The following VPS13A variants were observed in gnomAD, a reference collection of about 807,000 sequenced individuals.
VPS13A encodes intermembrane lipid transfer protein VPS13A.
A neutral mutation model predicts 390.9 loss-of-function variants in VPS13A; 264 were observed. The ratio of observed to expected loss-of-function variants is 0.68; its 90% CI spans 0.61 to 0.75. The LOEUF (loss-of-function observed/expected upper bound fraction) is 0.75, where lower values mean the gene tolerates loss of function less well. Among genes scored for constraint, VPS13A ranks in the 30% least tolerant of loss-of-function variants. The pLI, the probability that VPS13A is intolerant of heterozygous loss-of-function variation, is 0.00. For synonymous variants in VPS13A, 1,231 were observed against 1,227.1 expected (o/e 1.00, Z -0.07); for missense variants, 3,409 against 3,733.9 (o/e 0.91, Z 2.27).
rs755327761 is a variant in VPS13A at position 77,214,385 on chromosome 9, T to C, written c.753T>C (p.Phe251=). 12 of 1,611,418 alleles carry C rather than the reference T, an allele frequency of 7.4e-6. No homozygotes were observed. The South Asian group carries it at 1.2e-4, about 16-fold the overall frequency. The part of the protein sequence containing the change: ...NENIVPEGYD[F]VFRPISANAK... Reference sequence around the variant, plus strand: ...ATATTGTTCCAGAAGGTTATGATTTTGGTAAGTACATTTTATAAGATAAAA... The same window carrying C: ...ATATTGTTCCAGAAGGTTATGATTTCGGTAAGTACATTTTATAAGATAAAA... Residue 251 remains phenylalanine (F), a splice_region_variant and synonymous_variant, in exon 10 of 72, where the codon TTT becomes TTC. Coordinates refer to ENST00000360280, the MANE Select transcript of VPS13A (RefSeq NM_033305.3).
intron 71 of VPS13A, among the ~76,000 whole-genome samples, chr9:77,411,342 A>G (rs1040132281): frequency 5.9e-5 from 9 of 152,142 alleles, no homozygotes; most frequent in African/African-American, 2.2e-4. Context: ...AGCAGGAAAA[A>G]TCTAAAATTG....
At chr9:77,188,326 A>T (rs1172559905) in intron 1 of VPS13A, among the ~76,000 whole-genome samples, 1 of 152,184 alleles carries the variant, frequency 6.6e-6, no homozygotes, top group Non-Finnish European at 1.5e-5. Context: ...GGACTAACAC[A>T]GTACTCAAGT....
intron 52 of VPS13A, among the ~76,000 whole-genome samples, chr9:77,349,824 A>G (rs1831358924): frequency 6.6e-6 from 1 of 152,054 alleles, no homozygotes; most frequent in Non-Finnish European, 1.5e-5. Context: ...TCATATTTAT[A>G]GTAGAGACAG....
chr9:77,309,758 A>C (rs17063528), intron 35 of VPS13A, among the ~76,000 whole-genome samples: 11,687 of 152,148 alleles, frequency 0.077, 513 homozygotes, highest in South Asian at 0.13. Context: ...TATTGAAGGA[A>C]GCTCTTAGCT....
chr9:77,250,205 G>A lies in VPS13A; in HGVS notation c.2146G>A (p.Val716Ile). The change falls in exon 21 of 72, where the codon GTA (valine) becomes ATA (isoleucine). Residue 716 changes from valine to isoleucine, a missense_variant. This residue lies in a region of VPS13A where 2,717 missense variants were observed against 2,917.4 expected (regional missense o/e 0.93). Coordinates refer to ENST00000360280, the MANE Select transcript of VPS13A (RefSeq NM_033305.3). Reference protein sequence around the residue: ...YDSFDIQLTSVQLLYSRVGDN... With the variant: ...YDSFDIQLTSIQLLYSRVGDN... ...TTCATTTGATATTCAACTTACAAGT[G>A]TACAGCTGCTTTACAGTAGAGTTGG... 9 of 1,613,708 alleles carry A rather than the reference G, an allele frequency of 5.6e-6. No individual in the cohort carries two copies. The highest frequency in any genetic ancestry group is 7.6e-6 in the Non-Finnish European group (9 of 1,179,900).
At chr9:77,332,427 A>G (rs565671429) in intron 46 of VPS13A, among the ~76,000 whole-genome samples, 61 of 149,914 alleles carry the variant, frequency 4.1e-4, no homozygotes, top group African/African-American at 1.5e-3. Context: ...CTGAATTTAT[A>G]TATACTATTA....
At chr9:77,302,368 C>CTTTTTTTT (rs58598132) in intron 33 of VPS13A, among the ~76,000 whole-genome samples, 2 of 117,816 alleles carry the variant, frequency 1.7e-5, no homozygotes, top group Admixed American at 9.1e-5. Flanking sequence ...TATTTTTCCC[C>CTTTTTTTT]TTTTTTTTTT....
At chr9:77,183,477 C>T (rs1205020082) in intron 1 of VPS13A, among the ~76,000 whole-genome samples, 3 of 152,088 alleles carry the variant, frequency 2.0e-5, no homozygotes, top group African/African-American at 7.2e-5. Context: ...TGGGATTGTA[C>T]AGTTTGTATT....
intron 27 of VPS13A, 149 bp downstream of exon 27, chr9:77,280,387 C>T: frequency 3.4e-6 from 2 of 596,946 alleles, no homozygotes; most frequent in South Asian, 4.3e-5. Flanking sequence ...TTTATTTTGT[C>T]ATCTTGTATT....
intron 45 of VPS13A, among the ~76,000 whole-genome samples, chr9:77,326,265 T>A (rs1480701758): frequency 6.6e-6 from 1 of 152,218 alleles, no homozygotes; most frequent in East Asian, 1.9e-4. Flanking sequence ...GTATTTGGGG[T>A]TTACTGACCT....
At chr9:77,396,173 T>C (rs1368920578) in intron 68 of VPS13A, among the ~76,000 whole-genome samples, 1 of 152,236 alleles carries the variant, frequency 6.6e-6, no homozygotes. Flanking sequence ...TGTCAGTACA[T>C]ATAACTATTT....
At chr9:77,369,469 AT>A in intron 63 of VPS13A, 57 bp downstream of exon 63, 2 of 1,112,514 alleles carry the variant, frequency 1.8e-6, no homozygotes, top group Admixed American at 1.7e-5. Flanking sequence ...TGAATAGATA[AT>A]ACTTTTCTAT....
chr9:77,410,548 C>G (rs1834870445), intron 71 of VPS13A, among the ~76,000 whole-genome samples: 1 of 152,126 alleles, frequency 6.6e-6, no homozygotes, highest in Non-Finnish European at 1.5e-5. Flanking sequence ...TCAGGAAACC[C>G]ACCTCACATG....
At position 77,418,359 on chromosome 9, in the gene VPS13A, G is replaced by A. The variant is rs1172771341; in HGVS notation, c.*2353G>A. ...GCATGTCTTCTGGTCTATGATAATT[G>A]TGTGAGGACTAAGGCAGAGTGCCTG... On this transcript the variant is annotated 3_prime_UTR_variant, in exon 72 of 72. Coordinates refer to ENST00000360280, the MANE Select transcript of VPS13A (RefSeq NM_033305.3). The A allele has an allele frequency of 6.6e-6, 1 of 152,134 alleles. No individual in the cohort carries two copies. Among genetic ancestry groups the A allele is most frequent in the East Asian group, 1.9e-4 (1 of 5,178 alleles). 9.4% of individuals were successfully genotyped at this position (152,134 alleles called of 1,614,324 possible). A position where few individuals can be genotyped will look rare whatever the true frequency, so the allele number is the denominator to read the frequency against.
At chr9:77,190,886 A>AT (rs760991050) in intron 1 of VPS13A, among the ~76,000 whole-genome samples, 1 of 151,808 alleles carries the variant, frequency 6.6e-6, no homozygotes, top group Non-Finnish European at 1.5e-5. Context: ...GCCTCTAAGG[A>AT]TTTTTTGTAT....
intron 1 of VPS13A, among the ~76,000 whole-genome samples, chr9:77,182,385 C>T (rs944178501): frequency 6.6e-6 from 1 of 152,130 alleles, no homozygotes; most frequent in Admixed American, 6.5e-5. Flanking sequence ...TGAGCCACTG[C>T]GTCCGGCCAT....
Position 77,370,447 on chromosome 9 carries a change from G to A in VPS13A, c.8776G>A (p.Gly2926Ser), listed in dbSNP as rs565253015. The change falls in exon 65 of 72, where the codon GGT becomes AGT. Residue 2926 changes from glycine to serine, a missense_variant. Transcript: ENST00000360280. ...GLAGAASKIT[G>S]AMAKGVAAMT... The stretch of plus-strand genomic sequence containing the variant: ...GGCTGGTGCTGCCTCCAAAATCACC[G>A]GTGCTATGGCTAAGGGGGTAGCAGC... 88 of 1,614,082 alleles carry A rather than the reference G, an allele frequency of 5.5e-5. No individual in the cohort carries two copies. In the Middle Eastern group the frequency reaches 9.9e-4, roughly 18 times the overall value.
intron 17 of VPS13A, among the ~76,000 whole-genome samples, chr9:77,230,514 G>A (rs1210982440): frequency 6.6e-6 from 1 of 151,948 alleles, no homozygotes; most frequent in Admixed American, 6.6e-5. Flanking sequence ...ATCTTGGCAG[G>A]CTTGTCAAAA....
At chr9:77,356,397 G>A (rs1563954320) in intron 54 of VPS13A, among the ~76,000 whole-genome samples, 1 of 151,980 alleles carries the variant, frequency 6.6e-6, no homozygotes, top group Non-Finnish European at 1.5e-5. Flanking sequence ...TCTTTCAAAA[G>A]CATTTTCACC....
Sources: gnomAD v4.1 joint callset for allele counts (sites outside exome capture counted in the v4.1 genomes callset) on GRCh38, gnomAD v4.1.1 for gene constraint, gnomAD v4.1.1 regional missense constraint, MANE v1.5 for transcripts, NCBI Gene and HGNC (gene_info 2026-07-23, HGNC 2026-07-21) for gene names.